Variants in SHANK2 observed in about 807,000 individuals in gnomAD.
SHANK2 encodes SH3 and multiple ankyrin repeat domains protein 2.
Under a neutral mutation model 133.7 loss-of-function variants are expected in SHANK2, and 43 were observed. The observed-to-expected ratio is 0.32, with a 90% CI of 0.25 to 0.41. The LOEUF (loss-of-function observed/expected upper bound fraction) is 0.41. Ranked by LOEUF, SHANK2 falls within the 10% of genes least tolerant of loss-of-function variation. The pLI, the probability that SHANK2 is intolerant of heterozygous loss-of-function variation, is 1.00. For synonymous variants in SHANK2, 1,017 were observed against 952.8 expected (o/e 1.07, Z -1.24); for missense variants, 1,994 against 2,235.8 (o/e 0.89, Z 2.18).
chr11:70,689,478 C>G (rs1945228657), intron 15 of SHANK2, among the ~76,000 whole-genome samples: 2 of 152,168 alleles, frequency 1.3e-5, no homozygotes, highest in African/African-American at 4.8e-5. Context: ...AGCGCACACT[C>G]ACATCCACCA....
At chr11:70,599,971 G>GAGAGAA (rs1554990618) in intron 17 of SHANK2, among the ~76,000 whole-genome samples, 18 of 105,096 alleles carry the variant, frequency 1.7e-4, no homozygotes, top group African/African-American at 6.3e-4. Context: ...AAGAAAGAAA[G>GAGAGAA]AAAATGTATC....
At chr11:70,885,976 G>C (rs1555073413) in intron 11 of SHANK2, among the ~76,000 whole-genome samples, 1 of 152,136 alleles carries the variant, frequency 6.6e-6, no homozygotes, top group African/African-American at 2.4e-5. Flanking sequence ...ACACGCACGT[G>C]ACCGACCCCT....
chr11:70,604,273 G>C (rs1554991705), intron 17 of SHANK2: 4 of 152,368 alleles, frequency 2.6e-5, no homozygotes, highest in African/African-American at 9.6e-5. Context: ...CGGTGCAAGA[G>C]CACGAGAGTG....
At chr11:70,760,535 CAA>C (rs1290663500) in intron 14 of SHANK2, among the ~76,000 whole-genome samples, 1 of 152,202 alleles carries the variant, frequency 6.6e-6, no homozygotes, top group Non-Finnish European at 1.5e-5. Context: ...TTTTATTTTC[CAA>C]ATAAGGTCTG....
chr11:70,938,611 G>C (rs1298483669), intron 10 of SHANK2, among the ~76,000 whole-genome samples: 1 of 152,212 alleles, frequency 6.6e-6, no homozygotes, highest in Admixed American at 6.5e-5. Context: ...GCTGAGCACA[G>C]GCAGTCCCTG....
chr11:70,575,033 G>A (rs546537801), intron 17 of SHANK2, among the ~76,000 whole-genome samples: 11 of 152,180 alleles, frequency 7.2e-5, no homozygotes, highest in African/African-American at 2.4e-4. Context: ...CACACACAAA[G>A]GGCACATTTC....
At chr11:70,727,992 G>A (rs1555031123) in intron 14 of SHANK2, among the ~76,000 whole-genome samples, 1 of 152,222 alleles carries the variant, frequency 6.6e-6, no homozygotes, top group East Asian at 1.9e-4. Flanking sequence ...TACGGGCTCA[G>A]CAAAGGCATT....
intron 11 of SHANK2, among the ~76,000 whole-genome samples, chr11:70,826,040 G>A (rs1340338181): frequency 1.3e-5 from 2 of 152,196 alleles, no homozygotes; most frequent in East Asian, 3.8e-4. Flanking sequence ...TGGGAGAGCC[G>A]GGAGCAGCTC....
At position 71,118,851 on chromosome 11, in the gene SHANK2, C is replaced by A; in HGVS notation, c.389G>T (p.Gly130Val). ...TACCTCCAGGGAAGGAACGCCCTCA[C>A]CCACGGGCTGTGGGTACTCGCGCAG... ...RLLREYPQPV[G>V]EGVPSLEFRY... Residue 130 changes from glycine (G) to valine (V), a missense_variant, in exon 4 of 26, where the codon GGT becomes GTT. Gly to Val is a moderately radical substitution (Grantham distance 109). This residue lies in a region of SHANK2 where 653 missense variants were observed against 563.4 expected (regional missense o/e 1.16). Transcript: ENST00000601538. 2 of 1,551,030 alleles carry A rather than the reference C, an allele frequency of 1.3e-6. No homozygotes were observed.
chr11:70,776,160 G>A (rs1565308633), intron 14 of SHANK2, among the ~76,000 whole-genome samples: 3 of 152,228 alleles, frequency 2.0e-5, no homozygotes, highest in South Asian at 2.1e-4. Flanking sequence ...TGCATGTACT[G>A]GGAGCAGCCC....
At chr11:70,592,492 A>G (rs1027689716) in intron 17 of SHANK2, among the ~76,000 whole-genome samples, 9 of 151,658 alleles carry the variant, frequency 5.9e-5, no homozygotes, top group African/African-American at 2.2e-4. Context: ...TCTGCATCCC[A>G]GCACACCCCC....
intron 2 of SHANK2, among the ~76,000 whole-genome samples, chr11:71,185,513 C>T (rs1428587183): frequency 6.6e-6 from 1 of 152,190 alleles, no homozygotes; most frequent in East Asian, 1.9e-4. Flanking sequence ...CATTCTTGGG[C>T]ATGAAGCTTC....
Position 70,487,995 on chromosome 11 carries a change from T to C in SHANK2, c.2573-275A>G, listed in dbSNP as rs1180645726. ...GGCACAGGCTGCAGCAGGGGAGCTG[T>C]GTGAGGCCAGGGCAGGAGGGCCCCT... is the stretch of plus-strand genomic sequence containing the variant. On this transcript the variant is annotated intron_variant, in intron 24 of 25. Transcript: ENST00000601538. The surrounding 1 kb of genome is among the most constrained non-coding windows in gnomAD (Gnocchi z 5.8). Among the ~76,000 whole-genome samples, 1 of 152,144 alleles carries C rather than the reference T, an allele frequency of 6.6e-6. No individual in the cohort carries two copies. The highest frequency in any genetic ancestry group is 2.4e-5 in the African/African-American group (1 of 41,432).
At chr11:70,829,620 G>A (rs1254747347) in intron 11 of SHANK2, among the ~76,000 whole-genome samples, 2 of 17,742 alleles carry the variant, frequency 1.1e-4, no homozygotes, top group Non-Finnish European at 3.0e-4. Context: ...GGTGAGGGGC[G>A]GGGCAGGATG....
At chr11:70,618,424 C>G (rs1253105347) in intron 17 of SHANK2, among the ~76,000 whole-genome samples, 1 of 152,174 alleles carries the variant, frequency 6.6e-6, no homozygotes, top group Non-Finnish European at 1.5e-5. Context: ...CCAGAGTTAA[C>G]CGCCATTTAT....
At chr11:70,938,299 G>T (rs918464112) in intron 10 of SHANK2, among the ~76,000 whole-genome samples, 21 of 152,160 alleles carry the variant, frequency 1.4e-4, no homozygotes, top group African/African-American at 4.3e-4. Flanking sequence ...GAGGAGATGT[G>T]CTGAGGATAA....
At chr11:70,803,739 C>T (rs1555051197) in intron 13 of SHANK2, among the ~76,000 whole-genome samples, 1 of 149,776 alleles carries the variant, frequency 6.7e-6, no homozygotes, top group African/African-American at 2.5e-5. Context: ...CTGGATCTCG[C>T]ATAAAGAACT....
intron 17 of SHANK2, among the ~76,000 whole-genome samples, chr11:70,530,015 ACTC>A (rs1211745556): frequency 1.3e-5 from 2 of 152,066 alleles, no homozygotes; most frequent in Admixed American, 1.3e-4. Flanking sequence ...ATTCCTCAAC[ACTC>A]AACAGAGTTA....
intron 10 of SHANK2, among the ~76,000 whole-genome samples, chr11:70,954,683 C>T (rs149846404): frequency 1.3e-5 from 2 of 152,248 alleles, no homozygotes; most frequent in Non-Finnish European, 2.9e-5. Context: ...CAACACAGAA[C>T]CATTGCCAAC....
Sources: gnomAD v4.1 joint callset for allele counts (sites outside exome capture counted in the v4.1 genomes callset) on GRCh38, gnomAD v4.1.1 for gene constraint, gnomAD v4.1.1 regional missense constraint, Gnocchi (gnomAD v3.1) non-coding constraint, MANE v1.5 for transcripts, NCBI Gene and HGNC (gene_info 2026-07-23, HGNC 2026-07-21) for gene names.